RERE: variants seen among roughly 807,000 people sequenced by gnomAD.
RERE encodes arginine-glutamic acid dipeptide repeats.
In RERE, 40 loss-of-function variants were observed where a neutral mutation model predicts 146.1. The ratio of observed to expected loss-of-function variants is 0.27; its 90% CI spans 0.21 to 0.36. The LOEUF (loss-of-function observed/expected upper bound fraction) is 0.36, where lower values mean the gene tolerates loss of function less well. Ranked by LOEUF, RERE falls within the 10% of genes least tolerant of loss-of-function variation. RERE has a pLI of 1.00. For missense variants in RERE, 1,933 were observed against 2,138.7 expected (o/e 0.90, Z 1.90); for synonymous variants, 1,003 against 866.0 (o/e 1.16, Z -2.78).
At chr1:8,658,711 C>T (rs1203877619) in intron 1 of RERE, among the ~76,000 whole-genome samples, 3 of 150,820 alleles carry the variant, frequency 2.0e-5, no homozygotes, top group East Asian at 2.0e-4. Flanking sequence ...GAGCTGAGAT[C>T]GTGCCACTGC....
At position 8,632,484 on chromosome 1, in the gene RERE, T is replaced by C. The variant is rs572231860; in HGVS notation, c.326-8104A>G. The stretch of plus-strand genomic sequence containing the variant: ...AAATGATTTTATTATAAACTAGTAA[T>C]CCATTTTCTTTACAGGTTTTCTGCT... On this transcript the variant is annotated intron_variant, in intron 2 of 22. Transcript: ENST00000400908. 2.6e-5 allele frequency among the ~76,000 whole-genome samples: 4 copies of C among 150,982 alleles called. No homozygotes were observed. The South Asian group carries it at 8.3e-4, about 31-fold the overall frequency.
intron 20 of RERE, among the ~76,000 whole-genome samples, chr1:8,357,773 C>G (rs918631242): frequency 6.6e-6 from 1 of 152,258 alleles, no homozygotes; most frequent in Non-Finnish European, 1.5e-5. Flanking sequence ...CCTGCCCAGC[C>G]TCGCTCCTCA....
chr1:8,610,503 C>T (rs1230670492), intron 4 of RERE, among the ~76,000 whole-genome samples: 1 of 151,948 alleles, frequency 6.6e-6, no homozygotes, highest in Admixed American at 6.6e-5. Flanking sequence ...GCAGGAGAAT[C>T]GCTTGAACCC....
At chr1:8,393,100 C>T (rs1441643480) in intron 12 of RERE, among the ~76,000 whole-genome samples, 1 of 152,208 alleles carries the variant, frequency 6.6e-6, no homozygotes, top group Non-Finnish European at 1.5e-5. Flanking sequence ...GATTGGACTT[C>T]TGCAGGGATT....
intron 2 of RERE, among the ~76,000 whole-genome samples, chr1:8,653,524 T>A (rs1166808476): frequency 6.6e-6 from 1 of 151,774 alleles, no homozygotes; most frequent in African/African-American, 2.4e-5. Flanking sequence ...TGAAACCCCG[T>A]CTCTACTAAA....
At chr1:8,744,545 T>C (rs1557516952) in intron 1 of RERE, among the ~76,000 whole-genome samples, 1 of 152,160 alleles carries the variant, frequency 6.6e-6, no homozygotes, top group Admixed American at 6.5e-5. Context: ...CAGGTAATTT[T>C]GATAGAAAAA....
Position 8,621,244 on chromosome 1 carries a change from C to T in RERE, c.396+3066G>A, listed in dbSNP as rs191518986. 1.7e-4 allele frequency among the ~76,000 whole-genome samples: 26 copies of T among 152,204 alleles called. No individual in the cohort carries two copies. The East Asian group carries it at 5.0e-3, about 29-fold the overall frequency. On this transcript the variant is annotated intron_variant, in intron 3 of 22. Coordinates refer to ENST00000400908, the MANE Select transcript of RERE (RefSeq NM_001042681.2). Reference sequence around the variant, plus strand: ...GCAGCTGTGTTCTATACCACAGACTCGATTCTAAGGGAATGCAGCAGCAGA... The same window carrying T: ...GCAGCTGTGTTCTATACCACAGACTTGATTCTAAGGGAATGCAGCAGCAGA...
intron 15 of RERE, among the ~76,000 whole-genome samples, chr1:8,363,133 C>T (rs773137852): frequency 3.9e-5 from 6 of 152,252 alleles, no homozygotes; most frequent in East Asian, 1.9e-4. Context: ...GGAAATGAAC[C>T]ACACTTTCTG....
intron 19 of RERE, among the ~76,000 whole-genome samples, chr1:8,359,472 G>A (rs1641459353): frequency 6.6e-6 from 1 of 152,216 alleles, no homozygotes; most frequent in Non-Finnish European, 1.5e-5. Flanking sequence ...TAGAAGTTAT[G>A]AACCCAAAGG....
At chr1:8,793,482 T>C (rs1446285014) in intron 1 of RERE, among the ~76,000 whole-genome samples, 1 of 152,040 alleles carries the variant, frequency 6.6e-6, no homozygotes, top group South Asian at 2.1e-4. Flanking sequence ...TGCAAAGAGG[T>C]TAAGACCCAA....
intron 2 of RERE, among the ~76,000 whole-genome samples, chr1:8,626,814 C>T (rs1010499576): frequency 5.9e-5 from 9 of 152,188 alleles, no homozygotes; most frequent in African/African-American, 2.2e-4. Context: ...GTTTATTCTC[C>T]AAAATGAGCC....
At chr1:8,692,962 T>C (rs1195848016) in intron 1 of RERE, among the ~76,000 whole-genome samples, 3 of 152,194 alleles carry the variant, frequency 2.0e-5, no homozygotes, top group Non-Finnish European at 4.4e-5. Context: ...ATGGTCCTCG[T>C]TTCTCCTGCT....
intron 12 of RERE, among the ~76,000 whole-genome samples, chr1:8,420,872 C>T (rs1643900992): frequency 6.6e-6 from 1 of 152,066 alleles, no homozygotes; most frequent in South Asian, 2.1e-4. Flanking sequence ...ACTGAGAATG[C>T]CTCTGAAGGA....
chr1:8,661,720 G>GT (rs1311148590), intron 1 of RERE, among the ~76,000 whole-genome samples: 1 of 152,242 alleles, frequency 6.6e-6, no homozygotes, highest in Non-Finnish European at 1.5e-5. Context: ...TGAAGCTGCT[G>GT]TTTGAGTTTC....
intron 16 of RERE, 75 bp from the exon 17 acceptor site, chr1:8,361,951 G>C (rs757916904): frequency 1.2e-5 from 13 of 1,071,312 alleles, no homozygotes; most frequent in Non-Finnish European, 1.7e-5. Flanking sequence ...GGAAATGACG[G>C]TTTGCAGACA....
At chr1:8,642,094 A>C (rs1647188696) in intron 2 of RERE, among the ~76,000 whole-genome samples, 1 of 152,236 alleles carries the variant, frequency 6.6e-6, no homozygotes, top group African/African-American at 2.4e-5. Context: ...ATAATTTTAT[A>C]GTTGAAAGAA....
intron 1 of RERE, among the ~76,000 whole-genome samples, chr1:8,765,942 C>T (rs1040546008): frequency 1.3e-5 from 2 of 151,164 alleles, no homozygotes; most frequent in Non-Finnish European, 3.0e-5. Context: ...CAGAGCGAGA[C>T]TCCGTCTCAA....
intron 4 of RERE, among the ~76,000 whole-genome samples, chr1:8,599,596 AT>A (rs1372097964): frequency 1.3e-5 from 2 of 152,206 alleles, no homozygotes; most frequent in Non-Finnish European, 2.9e-5. Context: ...ATCTAAAGGG[AT>A]TCACCGGCTA....
At chr1:8,606,400 T>C (rs563886917) in intron 4 of RERE, among the ~76,000 whole-genome samples, 5 of 152,214 alleles carry the variant, frequency 3.3e-5, no homozygotes, top group Admixed American at 2.6e-4. Context: ...TAACTAAAAT[T>C]TACTAATGGC....
Sources: allele counts gnomAD v4.1 joint callset (sites outside exome capture counted in the v4.1 genomes callset), GRCh38; gene constraint gnomAD v4.1.1; transcripts MANE v1.5; gene names NCBI Gene and HGNC (gene_info 2026-07-23, HGNC 2026-07-21).